USH2A: variants seen among roughly 807,000 people sequenced by gnomAD.
USH2A encodes Usher syndrome 2A (autosomal recessive, mild).
Under a neutral mutation model 538.9 loss-of-function variants are expected in USH2A, and 443 were observed. The ratio of observed to expected loss-of-function variants is 0.82; its 90% confidence interval spans 0.76 to 0.89. USH2A has a LOEUF of 0.89. Among genes scored for constraint, USH2A ranks in the 40% least tolerant of loss-of-function variants. USH2A has a pLI of 0.00. For synonymous variants in USH2A, 2,413 were observed against 2,273.5 expected, an observed-to-expected ratio of 1.06 and a Z score of -1.75; for missense variants, 6,633 against 6,324.8, an observed-to-expected ratio of 1.05 and a Z score of -1.65.
intron 42 of USH2A, among the ~76,000 whole-genome samples, chr1:215,878,100 T>G (rs1162246377): frequency 6.6e-6 from 1 of 152,150 alleles, no homozygotes; most frequent in Admixed American, 6.5e-5. Context: ...TACATTCGCA[T>G]TTTACTATTA....
intron 9 of USH2A, among the ~76,000 whole-genome samples, chr1:216,304,413 C>T (rs761874853): frequency 6.6e-6 from 1 of 151,858 alleles, no homozygotes; most frequent in Non-Finnish European, 1.5e-5. Flanking sequence ...GCACTGCGGC[C>T]GTAACTTTTG....
Position 215,625,574 on chromosome 1 carries a change from A to T in USH2A, c.*207T>A, listed in dbSNP as rs553795541. 7.8e-5 allele frequency: 47 copies of T among 603,378 alleles called. No homozygotes were observed. The African/African-American group carries it at 8.0e-4, about 10-fold the overall frequency. The allele number at this position is 603,378 out of a possible 1,614,324, so 37.4% of individuals were successfully genotyped here. ...GAGCAAATCAAGTATTTTCATATGA[A>T]TATTCTCTCTCATTTAAGATGAGAA... On this transcript the variant is annotated 3_prime_UTR_variant, in exon 72 of 72. Coordinates refer to ENST00000307340, the MANE Select transcript of USH2A (RefSeq NM_206933.4).
chr1:216,211,604 A>G (rs1267867564), intron 15 of USH2A, among the ~76,000 whole-genome samples: 1 of 152,228 alleles, frequency 6.6e-6, no homozygotes, highest in Non-Finnish European at 1.5e-5. Context: ...TATTCAAACT[A>G]GATACATGCT....
chr1:215,630,864 TA>T (rs564956710), intron 70 of USH2A, among the ~76,000 whole-genome samples: 119 of 135,320 alleles, frequency 8.8e-4, no homozygotes, highest in South Asian at 1.6e-3. Flanking sequence ...ACAAACAAAT[TA>T]AAAAAAAAAA....
In USH2A at chr1:216,416,463, TAA is replaced by T. The variant is rs1433674595; in HGVS notation, c.651+2049_651+2050del. On this transcript the variant is annotated intron_variant, in intron 3 of 71. Coordinates refer to ENST00000307340, the MANE Select transcript of USH2A (RefSeq NM_206933.4). The stretch of plus-strand genomic sequence containing the variant: ...TTTAAAACTTATGCAAAAAAATAAA[TAA>T]AAGAGTGTACAAATCGAAAAGGACA... 4.6e-5 allele frequency among the ~76,000 whole-genome samples: 7 copies of T among 152,134 alleles called. No homozygotes were observed. The South Asian group carries it at 8.3e-4, about 18-fold the overall frequency.
Position 215,782,806 on chromosome 1 carries a change from G to C in USH2A, c.10517C>G (p.Thr3506Arg). 1 of 1,613,920 alleles carries C rather than the reference G, an allele frequency of 6.2e-7. No homozygotes were observed. The highest frequency in any genetic ancestry group is 1.1e-5 in the South Asian group (1 of 91,082). The change falls in exon 53 of 72, where the codon ACG (threonine) becomes AGG (arginine). Residue 3506 changes from threonine (T) to arginine (R), a missense_variant. Thr to Arg is a moderately conservative substitution (Grantham distance 71, BLOSUM62 -1). Coordinates refer to ENST00000307340, the MANE Select transcript of USH2A (RefSeq NM_206933.4). ...EDVPQGVSPP[T>R]WTKIDNLEDT... ...TTCAAGATTGTCTATTTTGGTCCAC[G>C]TAGGGGGACTCACTCCTTGAGGCAC...
At chr1:215,833,036 A>T (rs76852217) in intron 47 of USH2A, among the ~76,000 whole-genome samples, 2,180 of 152,100 alleles carry the variant, frequency 0.014, 60 homozygotes, top group African/African-American at 0.05. Flanking sequence ...TGGATTATAT[A>T]AAACACTGAT....
At chr1:215,732,666 C>T (rs999124325) in intron 60 of USH2A, among the ~76,000 whole-genome samples, 9 of 148,410 alleles carry the variant, frequency 6.1e-5, no homozygotes, top group Admixed American at 3.5e-4. Context: ...CTCAGCCTCC[C>T]GAGTGGCTGG....
At chr1:216,405,199 T>C (rs906780993) in intron 3 of USH2A, among the ~76,000 whole-genome samples, 5 of 152,110 alleles carry the variant, frequency 3.3e-5, no homozygotes, top group Non-Finnish European at 7.4e-5. Context: ...AAAAAAAATC[T>C]TTTAGAAAAA....
intron 9 of USH2A, among the ~76,000 whole-genome samples, chr1:216,306,526 T>G (rs2037319646): frequency 6.6e-6 from 1 of 152,200 alleles, no homozygotes; most frequent in Non-Finnish European, 1.5e-5. Context: ...GTTTTCTTCT[T>G]GGTTTAGATC....
intron 49 of USH2A, among the ~76,000 whole-genome samples, chr1:215,812,867 A>G (rs1010214749): frequency 2.0e-5 from 3 of 152,218 alleles, no homozygotes; most frequent in African/African-American, 7.2e-5. Flanking sequence ...AAGAGGCAGT[A>G]AAGTACACAA....
intron 21 of USH2A, among the ~76,000 whole-genome samples, chr1:216,138,680 G>A (rs2033537008): frequency 6.6e-6 from 1 of 152,024 alleles, no homozygotes. Flanking sequence ...GCAATAACAT[G>A]TAGATATTAT....
In USH2A at chr1:216,006,729, AAGG is replaced by A. The variant is rs147631885; in HGVS notation, c.6326-6170_6326-6168del. On this transcript the variant is annotated intron_variant, in intron 32 of 71. Coordinates refer to ENST00000307340, the MANE Select transcript of USH2A (RefSeq NM_206933.4). ...GGACAATTCTCTTGAGGAACCAAGT[AAGG>A]GTTTACATTGAAGCCCTTAGAGCTT... Among the ~76,000 whole-genome samples, 417 of 152,286 alleles carry A rather than the reference AAGG, an allele frequency of 2.7e-3. 1 individual carries two copies. The highest frequency in any genetic ancestry group is 9.2e-3 in the African/African-American group (383 of 41,546).
rs917044714 is a variant in USH2A, at chr1:215,623,076, A to G, written c.*2705T>C. Reference sequence around the variant, plus strand: ...ATGCCAGCATGATTTTTACATCAGTATATGGTACCATAACATTAATATTTG... The same window carrying G: ...ATGCCAGCATGATTTTTACATCAGTGTATGGTACCATAACATTAATATTTG... On this transcript the variant is annotated 3_prime_UTR_variant, in exon 72 of 72. Transcript: ENST00000307340. 6.6e-6 allele frequency: 1 copy of G among 152,160 alleles called. No individual in the cohort carries two copies. The highest frequency in any genetic ancestry group is 2.4e-5 in the African/African-American group (1 of 41,452). The allele number at this position is 152,160 out of a possible 1,614,324, so 9.4% of individuals were successfully genotyped here.
At chr1:215,977,712 T>G (rs1667654641) in intron 35 of USH2A, among the ~76,000 whole-genome samples, 1 of 152,082 alleles carries the variant, frequency 6.6e-6, no homozygotes, top group South Asian at 2.1e-4. Flanking sequence ...GGGATTTCAC[T>G]GTATTGGCCA....
chr1:216,205,190 C>T (rs1216859646), intron 16 of USH2A, among the ~76,000 whole-genome samples: 1 of 152,168 alleles, frequency 6.6e-6, no homozygotes, highest in Non-Finnish European at 1.5e-5. Flanking sequence ...TAATTCACAA[C>T]TTCAGAAATA....
At chr1:216,090,803 G>A (rs1046197911) in intron 22 of USH2A, among the ~76,000 whole-genome samples, 10 of 152,232 alleles carry the variant, frequency 6.6e-5, no homozygotes, top group East Asian at 3.9e-4. Context: ...CTAATTGGGC[G>A]TGACATAAGA....
chr1:216,105,994 G>A (rs2032721304), intron 21 of USH2A, among the ~76,000 whole-genome samples: 1 of 151,142 alleles, frequency 6.6e-6, no homozygotes, highest in Non-Finnish European at 1.5e-5. Flanking sequence ...ATTTTTTAAA[G>A]CATTTACATA....
intron 61 of USH2A, among the ~76,000 whole-genome samples, chr1:215,696,960 G>A (rs756216480): frequency 6.6e-6 from 1 of 150,574 alleles, no homozygotes; most frequent in Non-Finnish European, 1.5e-5. Flanking sequence ...TTTTTTGTTT[G>A]TTTGTTTTTT....
Sources: allele counts gnomAD v4.1 joint callset (sites outside exome capture counted in the v4.1 genomes callset), GRCh38; gene constraint gnomAD v4.1.1; transcripts MANE v1.5; gene names NCBI Gene and HGNC (gene_info 2026-07-23, HGNC 2026-07-21).